Variants in CFAP299 observed in about 807,000 individuals in gnomAD.
CFAP299 encodes the protein cilia- and flagella-associated protein 299.
A neutral mutation model predicts 27.0 loss-of-function variants in CFAP299; 21 were observed. The observed-to-expected ratio is 0.78, with a 90% CI of 0.55 to 1.12. CFAP299 has a LOEUF of 1.12. Among genes scored for constraint, CFAP299 ranks in the 50% most tolerant of loss-of-function variants. The pLI, the probability that CFAP299 is intolerant of heterozygous loss-of-function variation, is 0.00. For synonymous variants in CFAP299, 104 were observed against 98.1 expected (o/e 1.06, Z -0.36); for missense variants, 310 against 276.6 (o/e 1.12, Z -0.86).
intron 3 of CFAP299, among the ~76,000 whole-genome samples, chr4:80,642,712 C>A (rs778460658): frequency 6.6e-6 from 1 of 151,868 alleles, no homozygotes; most frequent in Non-Finnish European, 1.5e-5. Context: ...TGCAGTGAAC[C>A]GAGATCACAC....
At chr4:80,860,229 C>A (rs977690140) in intron 3 of CFAP299, among the ~76,000 whole-genome samples, 4 of 152,292 alleles carry the variant, frequency 2.6e-5, no homozygotes, top group South Asian at 4.1e-4. Flanking sequence ...TGCATTCTTC[C>A]CGTAGTTCTC....
Position 80,945,079 on chromosome 4 carries a change from T to C in CFAP299, c.606+140T>C, listed in dbSNP as rs551860650. The C allele has an allele frequency of 1.4e-4, 109 of 759,458 alleles. 1 individual carries two copies. The East Asian group carries it at 2.8e-3, about 20-fold the overall frequency. The allele number at this position is 759,458 out of a possible 1,614,324, so 47.0% of individuals were successfully genotyped here. ...AAATAACATTTTGAAACTTAGAGCA[T>C]GTACTACCTTTTAAAAAACACTGCA... is the stretch of plus-strand genomic sequence containing the variant. On this transcript the variant is annotated intron_variant, in intron 5 of 5. Transcript: ENST00000358105.
At chr4:80,716,789 G>A (rs61327507) in intron 3 of CFAP299, among the ~76,000 whole-genome samples, 6,930 of 152,128 alleles carry the variant, frequency 0.046, 550 homozygotes, top group African/African-American at 0.16. Flanking sequence ...ATGTATAGCT[G>A]TGGATTAGGG....
chr4:80,902,474 GTA>G (rs1380596700), intron 4 of CFAP299, among the ~76,000 whole-genome samples: 3 of 115,090 alleles, frequency 2.6e-5, no homozygotes, highest in African/African-American at 1.0e-4. Context: ...ATGTATATAT[GTA>G]TATATGTATA....
chr4:80,579,711 G>A (rs1736070118), intron 2 of CFAP299, among the ~76,000 whole-genome samples: 1 of 151,968 alleles, frequency 6.6e-6, no homozygotes, highest in Admixed American at 6.6e-5. Flanking sequence ...TATAACAACA[G>A]CAATAAAACA....
At chr4:80,397,428 T>C (rs1038593139) in intron 2 of CFAP299, among the ~76,000 whole-genome samples, 6 of 152,188 alleles carry the variant, frequency 3.9e-5, no homozygotes, top group Non-Finnish European at 8.8e-5. Flanking sequence ...TGCTAGCTTT[T>C]GAATGTGTTT....
intron 2 of CFAP299, among the ~76,000 whole-genome samples, chr4:80,449,744 A>C (rs1728809057): frequency 6.6e-6 from 1 of 151,872 alleles, no homozygotes; most frequent in Non-Finnish European, 1.5e-5. Flanking sequence ...ATTTCTAAGA[A>C]TGCCAAAACC....
chr4:80,838,049 T>G (rs1236389175), intron 3 of CFAP299, among the ~76,000 whole-genome samples: 2 of 152,230 alleles, frequency 1.3e-5, no homozygotes. Context: ...TTCCATATGT[T>G]TGCTGGCTGC....
chr4:80,335,657 C>G (rs1370731494), upstream of CFAP299: 2 of 718,782 alleles, frequency 2.8e-6, no homozygotes, highest in African/African-American at 3.5e-5. Context: ...GTGGGATTAA[C>G]GTCCAAAGCT....
rs1415833130 is a variant in CFAP299 at position 80,859,018 on chromosome 4, T to C, written c.334-10975T>C. 5.3e-5 allele frequency among the ~76,000 whole-genome samples: 8 copies of C among 152,310 alleles called. No homozygotes were observed. In the East Asian group the frequency reaches 1.4e-3, roughly 26 times the overall value. ...TAATGTTGACAGTGGGGTGTCAAAG[T>C]CTTCAATTATTAATGTGTGGGAGTC... On this transcript the variant is annotated intron_variant, in intron 3 of 5. Transcript: ENST00000358105.
intron 3 of CFAP299, among the ~76,000 whole-genome samples, chr4:80,635,984 A>C (rs1282716906): frequency 2.0e-5 from 3 of 152,162 alleles, no homozygotes; most frequent in African/African-American, 4.8e-5. Flanking sequence ...ATGTAAGTTC[A>C]CTGATACTAA....
At chr4:80,736,959 T>C (rs1723928907) in intron 3 of CFAP299, among the ~76,000 whole-genome samples, 1 of 152,058 alleles carries the variant, frequency 6.6e-6, no homozygotes, top group Non-Finnish European at 1.5e-5. Context: ...GTGGCACATA[T>C]ACACCATGGA....
intron 4 of CFAP299, among the ~76,000 whole-genome samples, chr4:80,893,803 G>A (rs1414273671): frequency 6.6e-6 from 1 of 151,862 alleles, no homozygotes. Context: ...ACATTGGTCT[G>A]GGCAACGATT....
chr4:80,831,794 C>G (rs1221273104), intron 3 of CFAP299, among the ~76,000 whole-genome samples: 1 of 152,136 alleles, frequency 6.6e-6, no homozygotes, highest in Non-Finnish European at 1.5e-5. Context: ...ATTTTAGCAT[C>G]TAATAATTTC....
At chr4:80,359,850 A>G (rs1053582290) in intron 1 of CFAP299, among the ~76,000 whole-genome samples, 1 of 152,176 alleles carries the variant, frequency 6.6e-6, no homozygotes, top group African/African-American at 2.4e-5. Flanking sequence ...TCCTGTTCAC[A>G]ACCCTTGCTG....
At chr4:80,864,385 T>C (rs1732563632) in intron 3 of CFAP299, among the ~76,000 whole-genome samples, 2 of 146,860 alleles carry the variant, frequency 1.4e-5, no homozygotes, top group South Asian at 2.2e-4. Context: ...TTATTGTCAA[T>C]TGGGTGTGTC....
chr4:80,331,989 A>T (rs1048472229), upstream of CFAP299, among the ~76,000 whole-genome samples: 2 of 152,202 alleles, frequency 1.3e-5, no homozygotes, highest in African/African-American at 4.8e-5. Flanking sequence ...GAAACAGCTA[A>T]TGGAAAACCA....
intron 4 of CFAP299, among the ~76,000 whole-genome samples, chr4:80,943,611 A>G (rs187053217): frequency 6.6e-6 from 1 of 152,280 alleles, no homozygotes; most frequent in Admixed American, 6.5e-5. Context: ...GGAATAAGAT[A>G]CATAAAAATA....
intron 2 of CFAP299, among the ~76,000 whole-genome samples, chr4:80,432,556 G>A (rs1316013937): frequency 9.8e-5 from 11 of 112,308 alleles, no homozygotes; most frequent in East Asian, 8.3e-4. Context: ...TTTTTGAGAC[G>A]GAGTCTCACT....
Sources: allele counts gnomAD v4.1 joint callset (sites outside exome capture counted in the v4.1 genomes callset), GRCh38; gene constraint gnomAD v4.1.1; transcripts MANE v1.5; gene names NCBI Gene and HGNC (gene_info 2026-07-23, HGNC 2026-07-21).